FBXL14: variants seen among roughly 807,000 people sequenced by gnomAD.
FBXL14 encodes F-box and leucine rich repeat protein 14.
FBXL14 carries 11 observed loss-of-function variants against 24.5 expected under a neutral mutation model. The observed-to-expected ratio is 0.45, with a 90% CI of 0.28 to 0.74. The LOEUF is 0.74. Ranked by LOEUF, FBXL14 falls within the 30% of genes least tolerant of loss-of-function variation. The pLI, the probability that FBXL14 is intolerant of heterozygous loss-of-function variation, is 0.12. For synonymous variants in FBXL14, 294 were observed against 240.4 expected, an observed-to-expected ratio of 1.22 and a Z score of -2.06; for missense variants, 384 against 545.6, an observed-to-expected ratio of 0.70 and a Z score of 2.95.
chr12:1,589,015 A>C (rs1189758337), intron 1 of FBXL14, among the ~76,000 whole-genome samples: 1 of 146,128 alleles, frequency 6.8e-6, no homozygotes, highest in African/African-American at 2.5e-5. Context: ...GTTCACTTCT[A>C]TGAGGGTCAC....
At chr12:1,575,556 T>TC (rs1235246763) in intron 1 of FBXL14, among the ~76,000 whole-genome samples, 1 of 152,126 alleles carries the variant, frequency 6.6e-6, no homozygotes, top group South Asian at 2.1e-4. Flanking sequence ...ACAGCTCTAC[T>TC]CCCCCTCGGA....
chr12:1,570,638 A>C (rs1446733445), intron 1 of FBXL14, among the ~76,000 whole-genome samples: 1 of 152,072 alleles, frequency 6.6e-6, no homozygotes, highest in Non-Finnish European at 1.5e-5. Context: ...TGGTTTTGCA[A>C]GTGAAAAAAG....
intron 1 of FBXL14, among the ~76,000 whole-genome samples, chr12:1,583,163 T>C (rs2094470042): frequency 2.0e-5 from 3 of 152,080 alleles, no homozygotes; most frequent in African/African-American, 7.2e-5. Context: ...AATTTTAAAA[T>C]GTTTTTTCCT....
intron 1 of FBXL14, 98 bp from the exon 2 acceptor site, chr12:1,566,908 C>A: frequency 1.5e-6 from 1 of 687,450 alleles, no homozygotes; most frequent in Non-Finnish European, 2.7e-6. Flanking sequence ...GCGGCTTTAT[C>A]AGCGCCTAAC....
chr12:1,573,589 C>T (rs1389432316), intron 1 of FBXL14, among the ~76,000 whole-genome samples: 1 of 152,152 alleles, frequency 6.6e-6, no homozygotes, highest in African/African-American at 2.4e-5. Flanking sequence ...ACAGAGATAG[C>T]AATGGGAGGC....
intron 1 of FBXL14, among the ~76,000 whole-genome samples, chr12:1,589,742 G>A (rs1028264964): frequency 1.3e-5 from 2 of 152,204 alleles, no homozygotes; most frequent in Non-Finnish European, 2.9e-5. Flanking sequence ...ACTCTAGGTG[G>A]TTTATCATCT....
Position 1,567,238 on chromosome 12 carries a change from G to A in FBXL14, c.1195-428C>T, listed in dbSNP as rs887724113. 9.2e-5 allele frequency among the ~76,000 whole-genome samples: 14 copies of A among 151,966 alleles called. No individual in the cohort carries two copies. Among genetic ancestry groups the A allele is most frequent in the Admixed American group, 1.3e-4 (2 of 15,252 alleles). Reference sequence around the variant, plus strand: ...AGCACTTTGGGAGGTCGAAGCGGGCGGATCACCTGAGGTCAGGAGTTCGAG... The same window carrying A: ...AGCACTTTGGGAGGTCGAAGCGGGCAGATCACCTGAGGTCAGGAGTTCGAG... On this transcript the variant is annotated intron_variant, in intron 1 of 1. Coordinates refer to ENST00000339235, the MANE Select transcript of FBXL14 (RefSeq NM_152441.3). This position sits in a 1 kb window ranked among gnomAD's most constrained non-coding sequence, Gnocchi z 4.8.
intron 1 of FBXL14, among the ~76,000 whole-genome samples, chr12:1,571,675 A>G (rs890978145): frequency 6.6e-6 from 1 of 152,214 alleles, no homozygotes; most frequent in East Asian, 1.9e-4. Context: ...GCAGTTATCA[A>G]AGAGCGACTT....
At chr12:1,572,875 G>A (rs747662147) in intron 1 of FBXL14, among the ~76,000 whole-genome samples, 2 of 152,102 alleles carry the variant, frequency 1.3e-5, no homozygotes, top group Non-Finnish European at 2.9e-5. Flanking sequence ...AGGAAATAAT[G>A]CGGTCAGAAT....
chr12:1,581,097 C>T (rs2094465387), intron 1 of FBXL14, among the ~76,000 whole-genome samples: 1 of 152,110 alleles, frequency 6.6e-6, no homozygotes, highest in Non-Finnish European at 1.5e-5. Flanking sequence ...GCCTGGAATC[C>T]CCCACCCACA....
intron 1 of FBXL14, among the ~76,000 whole-genome samples, chr12:1,592,297 AAAG>A (rs1444241827): frequency 4.0e-5 from 6 of 151,264 alleles, no homozygotes; most frequent in East Asian, 3.9e-4. Flanking sequence ...TTTAAACAGG[AAAG>A]AAGATTAAGA....
intron 1 of FBXL14, among the ~76,000 whole-genome samples, chr12:1,575,978 C>T (rs953105958): frequency 1.3e-5 from 2 of 152,146 alleles, no homozygotes; most frequent in African/African-American, 4.8e-5. Flanking sequence ...TGTTTTTGTC[C>T]TCATGGAGAT....
In FBXL14 at chr12:1,593,236, G is replaced by C; in HGVS notation, c.831C>G (p.Gly277=). 2 of 1,612,710 alleles carry C rather than the reference G, an allele frequency of 1.2e-6. No homozygotes were observed. Among genetic ancestry groups the C allele is most frequent in the East Asian group, 4.5e-5 (2 of 44,886 alleles). The change falls in exon 1 of 2, where the codon GGC becomes GGG. Residue 277 remains glycine (G), a synonymous_variant. Coordinates refer to ENST00000339235, the MANE Select transcript of FBXL14 (RefSeq NM_152441.3). The surrounding 1 kb of genome is among the most constrained non-coding windows in gnomAD (Gnocchi z 7.4). ...SDTGIMHLAM[G]SLRLSGLDVS... ...CATCCAGCCCCGAGAGGCGCAGGCT[G>C]CCCATGGCCAGATGCATGATGCCCG...
intron 1 of FBXL14, among the ~76,000 whole-genome samples, chr12:1,573,626 T>G (rs1009558611): frequency 6.6e-6 from 1 of 152,120 alleles, no homozygotes; most frequent in Non-Finnish European, 1.5e-5. Flanking sequence ...AAGCCAGGAC[T>G]TAAAGGGTGA....
At chr12:1,591,603 T>TTTC (rs1565591169) in intron 1 of FBXL14, among the ~76,000 whole-genome samples, 1 of 152,200 alleles carries the variant, frequency 6.6e-6, no homozygotes, top group East Asian at 1.9e-4. Context: ...TCAGAAGTGA[T>TTTC]TTCTTTAAAG....
chr12:1,570,474 C>G (rs933293161), intron 1 of FBXL14, among the ~76,000 whole-genome samples: 1 of 152,100 alleles, frequency 6.6e-6, no homozygotes, highest in Non-Finnish European at 1.5e-5. Context: ...GGTGGGGTCT[C>G]GTGCCTGAAG....
Position 1,567,576 on chromosome 12 carries a change from A to T in FBXL14, c.1195-766T>A, listed in dbSNP as rs956019811. Among the ~76,000 whole-genome samples the T allele has an allele frequency of 2.6e-5, 4 of 152,218 alleles. No homozygotes were observed. Among genetic ancestry groups the T allele is most frequent in the African/African-American group, 9.7e-5 (4 of 41,448 alleles). On this transcript the variant is annotated intron_variant, in intron 1 of 1. Transcript: ENST00000339235. This position sits in a 1 kb window ranked among gnomAD's most constrained non-coding sequence, Gnocchi z 4.8. Reference sequence around the variant, plus strand: ...GCAAGCTTCACAACCAGACTCAGAGACAGCAGGGATGCTGGAATTACCAGG... The same window carrying T: ...GCAAGCTTCACAACCAGACTCAGAGTCAGCAGGGATGCTGGAATTACCAGG...
rs1490064571 is a variant in FBXL14, at chr12:1,593,104, G to A, written c.963C>T (p.Gly321=). Residue 321 remains glycine (G), a synonymous_variant, in exon 1 of 2, where the codon GGC becomes GGT. Transcript: ENST00000339235. This position sits in a 1 kb window ranked among gnomAD's most constrained non-coding sequence, Gnocchi z 7.4. ...GCATCTGCCGCACCATGCGGTTGATGCCATCATCACTGATGTGGCAGGAGC... is the reference window on the plus strand; with the variant it reads ...GCATCTGCCGCACCATGCGGTTGATACCATCATCACTGATGTGGCAGGAGC... The part of the protein sequence containing the change: ...SLCSCHISDD[G]INRMVRQMHG... 2 of 1,613,416 alleles carry A rather than the reference G, an allele frequency of 1.2e-6. No homozygotes were observed. Among genetic ancestry groups the A allele is most frequent in the East Asian group, 2.2e-5 (1 of 44,888 alleles).
chr12:1,591,190 T>C (rs1322058650), intron 1 of FBXL14, among the ~76,000 whole-genome samples: 4 of 152,154 alleles, frequency 2.6e-5, no homozygotes, highest in Non-Finnish European at 5.9e-5. Flanking sequence ...GTAAACCTTA[T>C]ACAGAATAAA....
Sources: allele counts gnomAD v4.1 joint callset (sites outside exome capture counted in the v4.1 genomes callset), GRCh38; gene constraint gnomAD v4.1.1; non-coding constraint Gnocchi (gnomAD v3.1); transcripts MANE v1.5; gene names NCBI Gene and HGNC (gene_info 2026-07-23, HGNC 2026-07-21).